AHCYL2: variants seen among roughly 807,000 people sequenced by gnomAD.
AHCYL2 encodes S-adenosylhomocysteine hydrolase-like protein 2.
A neutral mutation model predicts 81.4 loss-of-function variants in AHCYL2; 28 were observed. The observed-to-expected ratio is 0.34, with a 90% CI of 0.25 to 0.47. The LOEUF is 0.47. Among genes scored for constraint, AHCYL2 ranks in the 20% least tolerant of loss-of-function variants. AHCYL2 has a pLI of 1.00. For synonymous variants in AHCYL2, 272 were observed against 290.2 expected (o/e 0.94, Z 0.64); for missense variants, 551 against 785.1 (o/e 0.70, Z 3.56).
chr7:129,405,775 T>C (rs1027561706), intron 8 of AHCYL2, 61 bp from the exon 9 acceptor site: 3 of 1,476,756 alleles, frequency 2.0e-6, no homozygotes, highest in African/African-American at 1.4e-5. Context: ...AGAGATTCAA[T>C]CTAACCTCAA....
chr7:129,318,823 C>T (rs748343707), intron 1 of AHCYL2, among the ~76,000 whole-genome samples: 1 of 150,882 alleles, frequency 6.6e-6, no homozygotes, highest in African/African-American at 2.4e-5. Context: ...TTTGGGGGAA[C>T]AGGTGGTGGT....
At chr7:129,396,405 G>A (rs910648421) in intron 4 of AHCYL2, among the ~76,000 whole-genome samples, 5 of 151,512 alleles carry the variant, frequency 3.3e-5, no homozygotes, top group African/African-American at 4.9e-5. Flanking sequence ...GATTACAGGC[G>A]TGAGCCACCG....
At chr7:129,323,890 T>G (rs1330945226) in intron 1 of AHCYL2, among the ~76,000 whole-genome samples, 2 of 149,960 alleles carry the variant, frequency 1.3e-5, no homozygotes, top group Non-Finnish European at 3.0e-5. Context: ...TTTTTTTTTT[T>G]GACAGAGTCT....
At chr7:129,303,037 G>T (rs1410755988) in intron 1 of AHCYL2, among the ~76,000 whole-genome samples, 2 of 152,158 alleles carry the variant, frequency 1.3e-5, no homozygotes, top group Non-Finnish European at 2.9e-5. Flanking sequence ...TTTCACTCTT[G>T]TTGCCCAGGC....
At chr7:129,405,057 T>G in intron 7 of AHCYL2, 40 bp from the exon 8 acceptor site, 2 of 1,347,324 alleles carry the variant, frequency 1.5e-6, no homozygotes, top group Non-Finnish European at 2.1e-6. Context: ...TAGATTGTAA[T>G]GTCCTGGTGT....
intron 1 of AHCYL2, among the ~76,000 whole-genome samples, chr7:129,247,120 G>T (rs1186854037): frequency 6.6e-6 from 1 of 152,158 alleles, no homozygotes; most frequent in East Asian, 1.9e-4. Flanking sequence ...ACATTTATGT[G>T]TAATTATTTC....
At chr7:129,243,086 T>C (rs955271549) in intron 1 of AHCYL2, among the ~76,000 whole-genome samples, 2 of 149,200 alleles carry the variant, frequency 1.3e-5, no homozygotes, top group Non-Finnish European at 3.0e-5. Flanking sequence ...AGTGGCATGA[T>C]CTTGGCTCAC....
chr7:129,398,262 C>T (rs1156893115), intron 5 of AHCYL2, among the ~76,000 whole-genome samples: 1 of 151,980 alleles, frequency 6.6e-6, no homozygotes, highest in Non-Finnish European at 1.5e-5. Context: ...CCTCCTGCCT[C>T]ATCCTCCCAA....
chr7:129,345,069 C>T (rs1326860976), intron 1 of AHCYL2, among the ~76,000 whole-genome samples: 1 of 152,062 alleles, frequency 6.6e-6, no homozygotes, highest in African/African-American at 2.4e-5. Context: ...GCAGGAAAAT[C>T]ACTTGAACCC....
intron 1 of AHCYL2, among the ~76,000 whole-genome samples, chr7:129,312,284 C>G (rs1407319791): frequency 6.6e-6 from 1 of 152,236 alleles, no homozygotes; most frequent in African/African-American, 2.4e-5. Context: ...CAGGGTCTCC[C>G]TGTGTTGCCC....
chr7:129,277,030 G>T (rs1796237591), intron 1 of AHCYL2, among the ~76,000 whole-genome samples: 1 of 152,024 alleles, frequency 6.6e-6, no homozygotes, highest in African/African-American at 2.4e-5. Flanking sequence ...ATTGACTCAA[G>T]GAGGAATACA....
At chr7:129,350,253 T>C (rs539127819) in intron 1 of AHCYL2, among the ~76,000 whole-genome samples, 1 of 152,322 alleles carries the variant, frequency 6.6e-6, no homozygotes, top group South Asian at 2.1e-4. Flanking sequence ...ATCCTGTCCA[T>C]ACTTGTTTCC....
intron 12 of AHCYL2, 61 bp from the exon 13 acceptor site, chr7:129,422,779 C>T: frequency 6.7e-7 from 1 of 1,493,174 alleles, no homozygotes; most frequent in Non-Finnish European, 9.3e-7. Flanking sequence ...CCTTCAACAT[C>T]TTTCTGTTCC....
intron 2 of AHCYL2, among the ~76,000 whole-genome samples, chr7:129,380,215 TC>T (rs1794893652): frequency 1.3e-5 from 2 of 152,204 alleles, no homozygotes; most frequent in Admixed American, 6.5e-5. Flanking sequence ...TTGCCTTCTC[TC>T]CTAAGCTGTG....
At chr7:129,249,646 C>T (rs60439130) in intron 1 of AHCYL2, among the ~76,000 whole-genome samples, 511 of 151,398 alleles carry the variant, frequency 3.4e-3, no homozygotes, top group African/African-American at 0.012. Context: ...AGGATGGTCT[C>T]GATCTCCTGA....
In AHCYL2 at chr7:129,368,171, G is replaced by A; in HGVS notation, c.364-11467G>A. The A allele has an allele frequency of 9.0e-7, 1 of 1,115,434 alleles. No homozygotes were observed. Among genetic ancestry groups the A allele is most frequent in the Non-Finnish European group, 1.1e-6 (1 of 911,914 alleles). The allele number at this position is 1,115,434 out of a possible 1,614,324, so 69.1% of individuals were successfully genotyped here. On this transcript the variant is annotated intron_variant, in intron 1 of 16. Transcript: ENST00000325006. The surrounding 1 kb of genome is among the most constrained non-coding windows in gnomAD (Gnocchi z 4.4). The stretch of plus-strand genomic sequence containing the variant: ...TGCAGAAAGTCCCCACTGGGGAGGT[G>A]CGGGTAGAGTGTTTGGGTAGCATTA...
At chr7:129,402,129 G>C (rs1796067001) in intron 6 of AHCYL2, among the ~76,000 whole-genome samples, 1 of 152,146 alleles carries the variant, frequency 6.6e-6, no homozygotes, top group South Asian at 2.1e-4. Context: ...CTTTTCTGTG[G>C]AAGGGAAAAC....
intron 1 of AHCYL2, among the ~76,000 whole-genome samples, chr7:129,286,177 A>G (rs567914640): frequency 6.6e-6 from 1 of 152,336 alleles, no homozygotes; most frequent in South Asian, 2.1e-4. Context: ...TAATGTGAGC[A>G]TTAATTAGAA....
intron 1 of AHCYL2, among the ~76,000 whole-genome samples, chr7:129,228,307 C>T (rs927778266): frequency 6.6e-6 from 1 of 152,160 alleles, no homozygotes; most frequent in Non-Finnish European, 1.5e-5. Flanking sequence ...CTCTGCTCAG[C>T]CACACAAGGG....
Sources: gnomAD v4.1 joint callset for allele counts (sites outside exome capture counted in the v4.1 genomes callset) on GRCh38, gnomAD v4.1.1 for gene constraint, Gnocchi (gnomAD v3.1) non-coding constraint, MANE v1.5 for transcripts, NCBI Gene and HGNC (gene_info 2026-07-23, HGNC 2026-07-21) for gene names.